Variants in CLASP2 observed in about 807,000 individuals in gnomAD.
CLASP2 encodes the protein cytoplasmic linker associated protein 2.
Under a neutral mutation model 194.4 loss-of-function variants are expected in CLASP2, and 47 were observed. The ratio of observed to expected loss-of-function variants is 0.24; its 90% CI spans 0.19 to 0.31. The LOEUF is 0.31. Among genes scored for constraint, CLASP2 ranks in the 10% least tolerant of loss-of-function variants. The pLI is 1.00. For missense variants in CLASP2, 1,445 were observed against 1,823.6 expected (o/e 0.79, Z 3.78); for synonymous variants, 619 against 633.5 (o/e 0.98, Z 0.34).
At chr3:33,615,883 A>G (rs550297848) in intron 12 of CLASP2, among the ~76,000 whole-genome samples, 41 of 152,262 alleles carry the variant, frequency 2.7e-4, no homozygotes, top group African/African-American at 9.9e-4. Flanking sequence ...AAATGATTGA[A>G]AACATAAATA....
intron 18 of CLASP2, 89 bp from the exon 19 acceptor site, chr3:33,596,823 A>G (rs1351473819): frequency 9.1e-7 from 1 of 1,102,758 alleles, no homozygotes; most frequent in Non-Finnish European, 1.3e-6. Flanking sequence ...ATTTTCTTTA[A>G]GAAGACAGAA....
intron 9 of CLASP2, among the ~76,000 whole-genome samples, chr3:33,629,894 A>T (rs929006158): frequency 6.6e-6 from 1 of 152,190 alleles, no homozygotes; most frequent in African/African-American, 2.4e-5. Flanking sequence ...AAGGAAATCA[A>T]GCATAGATGA....
At chr3:33,501,561 C>T in intron 38 of CLASP2, 91 bp downstream of exon 38, 1 of 745,718 alleles carries the variant, frequency 1.3e-6, no homozygotes, top group South Asian at 1.7e-5. Context: ...TTATTAAATG[C>T]CAAATAAAAA....
Position 33,496,615 on chromosome 3 carries a change from T to A in CLASP2, c.*2016A>T, listed in dbSNP as rs1009516377. ...TGCCATTAGATGCCAGGTGCTTATCTAATTTTCCAGTTAGTTACTGTTCAG... is the reference window on the plus strand; with the variant it reads ...TGCCATTAGATGCCAGGTGCTTATCAAATTTTCCAGTTAGTTACTGTTCAG... On this transcript the variant is annotated 3_prime_UTR_variant, in exon 39 of 39. Coordinates refer to ENST00000682230, the MANE Select transcript of CLASP2 (RefSeq NM_001365631.1). 2.0e-5 allele frequency: 3 copies of A among 152,212 alleles called. No individual in the cohort carries two copies. Among genetic ancestry groups the A allele is most frequent in the Admixed American group, 2.0e-4 (3 of 15,274 alleles). 9.4% of individuals were successfully genotyped at this position (152,212 alleles called of 1,614,324 possible).
At chr3:33,592,542 A>G in intron 20 of CLASP2, 46 bp from the exon 21 acceptor site, 1 of 1,394,844 alleles carries the variant, frequency 7.2e-7, no homozygotes, top group Non-Finnish European at 9.9e-7. Flanking sequence ...TTTCTATAAT[A>G]ATGTTTAATA....
At chr3:33,577,207 G>GC in intron 23 of CLASP2, 2 of 1,596,442 alleles carry the variant, frequency 1.3e-6, no homozygotes, top group Non-Finnish European at 1.7e-6. Flanking sequence ...TTCACCTGAG[G>GC]CCCCATACAC....
chr3:33,612,110 C>A (rs9854899), intron 12 of CLASP2, 39 bp from the exon 13 acceptor site: 2 of 1,280,090 alleles, frequency 1.6e-6, no homozygotes, highest in South Asian at 2.5e-5. Flanking sequence ...AAATACTACA[C>A]ACTTCATGTG....
intron 23 of CLASP2, among the ~76,000 whole-genome samples, chr3:33,581,040 GA>G (rs1168381802): frequency 9.8e-5 from 13 of 132,358 alleles, no homozygotes; most frequent in African/African-American, 2.2e-4. Context: ...AAGAAAGAAA[GA>G]AAAAAAAGAA....
At position 33,576,292 on chromosome 3, in the gene CLASP2, A is replaced by G. The variant is rs759581068; in HGVS notation, c.2348-17T>C. ...AACCTGGACCTAATTCATCAAAAGA[A>G]GGAAAATAGATTTGAAGGAGTCATA... On this transcript the variant is annotated splice_polypyrimidine_tract_variant and intron_variant, in intron 23 of 38. Coordinates refer to ENST00000682230, the MANE Select transcript of CLASP2 (RefSeq NM_001365631.1). The G allele has an allele frequency of 5.0e-6, 8 of 1,595,098 alleles. No individual in the cohort carries two copies. In the East Asian group the frequency reaches 1.8e-4, roughly 36 times the overall value.
intron 22 of CLASP2, among the ~76,000 whole-genome samples, chr3:33,582,530 A>G (rs746100012): frequency 5.3e-5 from 8 of 152,060 alleles, no homozygotes; most frequent in Non-Finnish European, 1.0e-4. Context: ...ATGGTGGCAC[A>G]TGCCTGTAGT....
intron 38 of CLASP2, among the ~76,000 whole-genome samples, chr3:33,501,201 GAACA>G (rs1317056020): frequency 6.6e-6 from 1 of 152,094 alleles, no homozygotes; most frequent in African/African-American, 2.4e-5. Context: ...AGAAAGAGAA[GAACA>G]AATATTTGAT....
At chr3:33,527,124 G>C (rs533930609) in intron 34 of CLASP2, among the ~76,000 whole-genome samples, 1 of 152,224 alleles carries the variant, frequency 6.6e-6, no homozygotes, top group East Asian at 1.9e-4. Flanking sequence ...ATAAAAATCA[G>C]AGCTGAAATG....
At chr3:33,506,200 T>A (rs2048120845) in intron 37 of CLASP2, among the ~76,000 whole-genome samples, 1 of 151,436 alleles carries the variant, frequency 6.6e-6, no homozygotes, top group South Asian at 2.1e-4. Flanking sequence ...TGGTGAAACC[T>A]TGTCTCTACT....
intron 6 of CLASP2, among the ~76,000 whole-genome samples, chr3:33,668,478 A>AACAAG (rs2086585537): frequency 6.6e-6 from 1 of 152,360 alleles, no homozygotes; most frequent in South Asian, 2.1e-4. Context: ...TTTCAAATGA[A>AACAAG]TGTAATATTC....
At chr3:33,689,082 C>T (rs143872060) in intron 3 of CLASP2, among the ~76,000 whole-genome samples, 5 of 151,874 alleles carry the variant, frequency 3.3e-5, no homozygotes, top group East Asian at 1.9e-4. Flanking sequence ...CATCCTCTTT[C>T]GGTACTCAGT....
intron 1 of CLASP2, among the ~76,000 whole-genome samples, chr3:33,716,993 T>TA (rs930289445): frequency 8.5e-5 from 13 of 152,240 alleles, no homozygotes; most frequent in Admixed American, 8.5e-4. Flanking sequence ...AAGTAACTAC[T>TA]AACGACTACG....
intron 19 of CLASP2, among the ~76,000 whole-genome samples, chr3:33,596,143 G>C (rs918394356): frequency 5.3e-5 from 8 of 151,634 alleles, no homozygotes; most frequent in African/African-American, 1.9e-4. Context: ...ATATCATACA[G>C]GGTTGTTACT....
At chr3:33,703,645 A>G (rs2092515198) in intron 1 of CLASP2, among the ~76,000 whole-genome samples, 1 of 152,168 alleles carries the variant, frequency 6.6e-6, no homozygotes, top group African/African-American at 2.4e-5. Flanking sequence ...CTACACACTC[A>G]TATTTTTTGT....
At chr3:33,534,705 G>A (rs562830007) in intron 34 of CLASP2, among the ~76,000 whole-genome samples, 3 of 152,126 alleles carry the variant, frequency 2.0e-5, no homozygotes, top group South Asian at 2.1e-4. Context: ...ACTGAGACTC[G>A]GGAAAGTTAA....
Sources: allele counts gnomAD v4.1 joint callset (sites outside exome capture counted in the v4.1 genomes callset), GRCh38; gene constraint gnomAD v4.1.1; transcripts MANE v1.5; gene names NCBI Gene and HGNC (gene_info 2026-07-23, HGNC 2026-07-21).